The following FLI1 variants were observed in gnomAD, a reference collection of about 807,000 sequenced individuals.
FLI1 encodes Fli-1 proto-oncogene, ETS transcription factor.
A neutral mutation model predicts 53.1 loss-of-function variants in FLI1; 13 were observed. The observed-to-expected ratio is 0.24, with a 90% CI of 0.16 to 0.39. The LOEUF (loss-of-function observed/expected upper bound fraction) is 0.39. Ranked by LOEUF, FLI1 falls within the 10% of genes least tolerant of loss-of-function variation. FLI1 has a pLI of 1.00. For synonymous variants in FLI1, 244 were observed against 236.7 expected (o/e 1.03, Z -0.28); for missense variants, 424 against 600.5 (o/e 0.71, Z 3.07).
intron 3 of FLI1, among the ~76,000 whole-genome samples, chr11:128,770,321 G>A (rs976423776): frequency 6.6e-6 from 1 of 152,206 alleles, no homozygotes; most frequent in South Asian, 2.1e-4. Flanking sequence ...GCTCCGGCTA[G>A]ATCTTTTAGG....
intron 1 of FLI1, among the ~76,000 whole-genome samples, chr11:128,694,733 G>T (rs1937961773): frequency 6.6e-6 from 1 of 152,206 alleles, no homozygotes; most frequent in South Asian, 2.1e-4. Flanking sequence ...CCCGGGCTCG[G>T]GTCCCTGCCT....
At chr11:128,686,660 A>G (rs74718604) in exon 1 of FLI1, 4,683 of 359,244 alleles carry the variant, frequency 0.013, 222 homozygotes, top group African/African-American at 0.086. Flanking sequence ...TTAGCTACCC[A>G]CGATGTTTCA....
At chr11:128,702,000 G>T (rs1419732614) in intron 1 of FLI1, among the ~76,000 whole-genome samples, 1 of 152,218 alleles carries the variant, frequency 6.6e-6, no homozygotes, top group African/African-American at 2.4e-5. Context: ...TGTAGCAAAA[G>T]TGTGAAAACA....
At chr11:128,775,063 A>G (rs976471039) in intron 4 of FLI1, among the ~76,000 whole-genome samples, 3 of 152,236 alleles carry the variant, frequency 2.0e-5, no homozygotes, top group African/African-American at 7.2e-5. Context: ...GGTTTCCCAA[A>G]AGGGACTTAT....
intron 5 of FLI1, among the ~76,000 whole-genome samples, chr11:128,795,559 A>ATTT (rs33948261): frequency 0.15 from 20,609 of 136,332 alleles, 1,905 homozygotes; most frequent in African/African-American, 0.21. Flanking sequence ...ATAGAAAGCA[A>ATTT]TTTTTTTTTT....
intron 1 of FLI1, among the ~76,000 whole-genome samples, chr11:128,706,673 C>T (rs1938558628): frequency 6.6e-6 from 1 of 152,190 alleles, no homozygotes; most frequent in Non-Finnish European, 1.5e-5. Flanking sequence ...GATATCAAGG[C>T]TCATTTAACC....
chr11:128,736,040 T>C (rs1939900365), intron 1 of FLI1, among the ~76,000 whole-genome samples: 1 of 152,150 alleles, frequency 6.6e-6, no homozygotes, highest in Admixed American at 6.5e-5. Flanking sequence ...AGAGATTCCT[T>C]AGACATGATC....
chr11:128,700,925 C>T (rs144550625), intron 1 of FLI1, among the ~76,000 whole-genome samples: 45 of 152,268 alleles, frequency 3.0e-4, no homozygotes, highest in Non-Finnish European at 5.6e-4. Flanking sequence ...GGAATGAAAA[C>T]TTGTGACTAG....
intron 1 of FLI1, among the ~76,000 whole-genome samples, chr11:128,717,795 G>T (rs1473657664): frequency 6.6e-6 from 1 of 152,188 alleles, no homozygotes; most frequent in Non-Finnish European, 1.5e-5. Flanking sequence ...GAAAAGGGGT[G>T]GCTCTAAGAT....
intron 5 of FLI1, among the ~76,000 whole-genome samples, chr11:128,782,720 A>G (rs112376433): frequency 0.025 from 3,808 of 152,242 alleles, 179 homozygotes; most frequent in African/African-American, 0.087. Context: ...AGCGATGTCA[A>G]TTCATTTTTA....
intron 1 of FLI1, among the ~76,000 whole-genome samples, chr11:128,732,832 C>T (rs185142876): frequency 6.6e-6 from 1 of 152,288 alleles, no homozygotes; most frequent in East Asian, 1.9e-4. Context: ...TTGTTTTGCC[C>T]AGAGAAGCAC....
upstream of FLI1, among the ~76,000 whole-genome samples, chr11:128,691,355 T>C (rs2135678316): frequency 6.6e-6 from 1 of 152,212 alleles, no homozygotes; most frequent in Non-Finnish European, 1.5e-5. Flanking sequence ...TACATAAAAG[T>C]GGGGCAAACT....
At chr11:128,759,550 G>A (rs184288926) in intron 2 of FLI1, among the ~76,000 whole-genome samples, 5 of 152,368 alleles carry the variant, frequency 3.3e-5, no homozygotes, top group African/African-American at 7.2e-5. Flanking sequence ...ACATAAGGGC[G>A]ATAGCAAAGA....
chr11:128,716,140 G>T (rs1939000229), intron 1 of FLI1, among the ~76,000 whole-genome samples: 1 of 152,210 alleles, frequency 6.6e-6, no homozygotes, highest in Non-Finnish European at 1.5e-5. Context: ...GGAGTAAAAA[G>T]CCTGATTCAT....
chr11:128,692,360 G>A (rs1199882820), upstream of FLI1, among the ~76,000 whole-genome samples: 1 of 152,122 alleles, frequency 6.6e-6, no homozygotes, highest in African/African-American at 2.4e-5. Context: ...CGGTCCCAGG[G>A]GAGCCCCGGA....
chr11:128,757,084 CT>C (rs1326926654), intron 1 of FLI1, among the ~76,000 whole-genome samples: 5 of 149,206 alleles, frequency 3.4e-5, no homozygotes, highest in African/African-American at 1.2e-4. Flanking sequence ...TTCTTTCTTT[CT>C]TTCTTTCTTT....
At chr11:128,721,420 G>A (rs1344547704) in intron 1 of FLI1, among the ~76,000 whole-genome samples, 1 of 152,238 alleles carries the variant, frequency 6.6e-6, no homozygotes, top group East Asian at 1.9e-4. Flanking sequence ...CTGTGGTGGG[G>A]ATTGCAGGGG....
At chr11:128,757,328 A>G (rs1187769378) in intron 1 of FLI1, among the ~76,000 whole-genome samples, 5 of 151,368 alleles carry the variant, frequency 3.3e-5, no homozygotes, top group African/African-American at 4.9e-5. Flanking sequence ...GGACCCAACA[A>G]CCTCTTTTGG....
chr11:128,776,180 C>T (rs527358290), intron 4 of FLI1, among the ~76,000 whole-genome samples: 27 of 152,342 alleles, frequency 1.8e-4, no homozygotes, highest in Middle Eastern at 3.4e-3. Context: ...CCCCTACAGA[C>T]CCTGTCTGAT....
Sources: allele counts gnomAD v4.1 joint callset (sites outside exome capture counted in the v4.1 genomes callset), GRCh38; gene constraint gnomAD v4.1.1; transcripts MANE v1.5; gene names NCBI Gene and HGNC (gene_info 2026-07-23, HGNC 2026-07-21).